Variants in ADAMTS19 observed in about 807,000 individuals in gnomAD.
The protein encoded by ADAMTS19 is ADAM metallopeptidase with thrombospondin type 1 motif 19, also known as A disintegrin and metalloproteinase with thrombospondin motifs 19.
ADAMTS19 carries 93 observed loss-of-function variants against 153.3 expected under a neutral mutation model. The ratio of observed to expected loss-of-function variants is 0.61; its 90% CI spans 0.51 to 0.72. The LOEUF is 0.72. ADAMTS19 is among the 30% of genes least tolerant of loss of function. The pLI is 0.00. For missense variants in ADAMTS19, 1,482 were observed against 1,552.1 expected, an observed-to-expected ratio of 0.95 and a Z score of 0.76; for synonymous variants, 600 against 556.6, an observed-to-expected ratio of 1.08 and a Z score of -1.10.
chr5:129,484,579 C>T (rs1327484100), intron 2 of ADAMTS19, among the ~76,000 whole-genome samples: 3 of 151,986 alleles, frequency 2.0e-5, no homozygotes, highest in Non-Finnish European at 2.9e-5. Context: ...CAGGTGGATG[C>T]GTGTAGTTTT....
At chr5:129,727,254 C>T (rs1268649985) in intron 21 of ADAMTS19, among the ~76,000 whole-genome samples, 2 of 152,100 alleles carry the variant, frequency 1.3e-5, no homozygotes, top group East Asian at 3.9e-4. Context: ...TCCCAGTATG[C>T]CTACAGTCTG....
chr5:129,509,096 A>G lies in ADAMTS19; in HGVS notation c.767A>G (p.Asn256Ser), dbSNP rs1382721664. The part of the protein sequence containing the change: ...GGGLMGFIQL[N>S]EDFIFIEPLN... Reference sequence around the variant, plus strand: ...TTCCAGATGGGATTTATACAGCTCAATGAGGACTTCATATTTATTGAGCCA... The same window carrying G: ...TTCCAGATGGGATTTATACAGCTCAGTGAGGACTTCATATTTATTGAGCCA... The change falls in exon 3 of 23, where the codon AAT (asparagine) becomes AGT (serine). Residue 256 changes from asparagine to serine, a missense_variant. By Grantham distance (46) the Asn-to-Ser change is conservative. Transcript: ENST00000274487. The G allele has an allele frequency of 3.7e-6, 6 of 1,610,158 alleles. No individual in the cohort carries two copies. Among genetic ancestry groups the G allele is most frequent in the East Asian group, 2.2e-5 (1 of 44,740 alleles).
intron 2 of ADAMTS19, among the ~76,000 whole-genome samples, chr5:129,499,085 A>G (rs1389758211): frequency 6.6e-6 from 1 of 152,084 alleles, no homozygotes; most frequent in East Asian, 1.9e-4. Flanking sequence ...CTAGACTGGT[A>G]AACAACTAAG....
intron 7 of ADAMTS19, among the ~76,000 whole-genome samples, chr5:129,572,299 C>T (rs1753938564): frequency 6.6e-6 from 1 of 151,914 alleles, no homozygotes; most frequent in African/African-American, 2.4e-5. Context: ...TCAAACAACT[C>T]AACTCTCATA....
chr5:129,508,907 GAA>G (rs1173764208), intron 2 of ADAMTS19, among the ~76,000 whole-genome samples, 168 bp from the exon 3 acceptor site: 1 of 152,052 alleles, frequency 6.6e-6, no homozygotes, highest in Non-Finnish European at 1.5e-5. Context: ...ACATAAAGAT[GAA>G]GTAATAAAAT....
chr5:129,479,172 A>G (rs1272576606), intron 2 of ADAMTS19, among the ~76,000 whole-genome samples: 1 of 152,180 alleles, frequency 6.6e-6, no homozygotes, highest in East Asian at 1.9e-4. Context: ...TGTATATGTC[A>G]TGAAGATACT....
At chr5:129,726,583 C>A (rs115357894) in intron 21 of ADAMTS19, among the ~76,000 whole-genome samples, 18,138 of 152,058 alleles carry the variant, frequency 0.12, 1,262 homozygotes, top group South Asian at 0.19. Flanking sequence ...TGAAGAAACA[C>A]CTACTTAAGG....
At chr5:129,561,163 A>G (rs1254900007) in intron 7 of ADAMTS19, among the ~76,000 whole-genome samples, 1 of 152,202 alleles carries the variant, frequency 6.6e-6, no homozygotes, top group Non-Finnish European at 1.5e-5. Context: ...AATAGTGAGA[A>G]GCCATGGCTT....
At chr5:129,518,486 T>G (rs1441887719) in intron 3 of ADAMTS19, among the ~76,000 whole-genome samples, 2 of 151,606 alleles carry the variant, frequency 1.3e-5, no homozygotes, top group East Asian at 3.9e-4. Context: ...CAAGGGGAAA[T>G]TTTTTTTTAC....
At chr5:129,535,139 T>C (rs1162643726) in intron 6 of ADAMTS19, among the ~76,000 whole-genome samples, 3 of 152,288 alleles carry the variant, frequency 2.0e-5, no homozygotes, top group East Asian at 1.9e-4. Context: ...TGTTTGCAGA[T>C]GACATGATTG....
chr5:129,722,220 A>T (rs922096439), intron 21 of ADAMTS19, among the ~76,000 whole-genome samples: 1 of 152,210 alleles, frequency 6.6e-6, no homozygotes, highest in Non-Finnish European at 1.5e-5. Context: ...TCCCACCAGC[A>T]GTGTAAAAGT....
chr5:129,572,776 T>A (rs191882776), intron 7 of ADAMTS19, among the ~76,000 whole-genome samples: 40 of 152,092 alleles, frequency 2.6e-4, no homozygotes, highest in African/African-American at 8.9e-4. Flanking sequence ...GCTGTAAGTT[T>A]ACAGGAATAG....
chr5:129,549,243 T>A (rs1458939752), intron 6 of ADAMTS19, among the ~76,000 whole-genome samples: 3 of 150,602 alleles, frequency 2.0e-5, no homozygotes, highest in Non-Finnish European at 3.0e-5. Context: ...ATAGAAATCA[T>A]AAATAATAGA....
chr5:129,552,691 GTT>G (rs1374922474), intron 7 of ADAMTS19, among the ~76,000 whole-genome samples: 2 of 151,616 alleles, frequency 1.3e-5, no homozygotes, highest in Non-Finnish European at 1.5e-5. Flanking sequence ...TGTGTCATTT[GTT>G]TTTTTATAAA....
intron 21 of ADAMTS19, among the ~76,000 whole-genome samples, chr5:129,719,743 C>G (rs1756898120): frequency 6.6e-6 from 1 of 152,134 alleles, no homozygotes; most frequent in African/African-American, 2.4e-5. Flanking sequence ...TTCATTCTAA[C>G]ACTAAAACAT....
chr5:129,681,410 C>A (rs776767046), intron 17 of ADAMTS19, among the ~76,000 whole-genome samples: 3 of 152,032 alleles, frequency 2.0e-5, no homozygotes, highest in Non-Finnish European at 4.4e-5. Context: ...ACCTTCTATT[C>A]CAAATCAGAA....
intron 2 of ADAMTS19, among the ~76,000 whole-genome samples, chr5:129,497,753 T>C (rs917744104): frequency 3.3e-5 from 5 of 152,064 alleles, no homozygotes; most frequent in African/African-American, 1.2e-4. Flanking sequence ...GAATCCAAAA[T>C]AAATGTCAGA....
chr5:129,556,845 C>A (rs187679323), intron 7 of ADAMTS19, among the ~76,000 whole-genome samples: 1 of 152,268 alleles, frequency 6.6e-6, no homozygotes, highest in Non-Finnish European at 1.5e-5. Context: ...CTAGAGCCGA[C>A]ATAAGTGAAC....
chr5:129,462,684 C>T lies in ADAMTS19; in HGVS notation c.747+927C>T, dbSNP rs1010559973. Among the ~76,000 whole-genome samples the T allele has an allele frequency of 7.9e-5, 12 of 152,198 alleles. No homozygotes were observed. The East Asian group carries it at 2.3e-3, about 29-fold the overall frequency. ...TGTTTCTAGATGTACAGGTACGTGGCATTAAGTACATTCACGTTGTTGTGC... is the reference window on the plus strand; with the variant it reads ...TGTTTCTAGATGTACAGGTACGTGGTATTAAGTACATTCACGTTGTTGTGC... On this transcript the variant is annotated intron_variant, in intron 2 of 22. Coordinates refer to ENST00000274487, the MANE Select transcript of ADAMTS19 (RefSeq NM_133638.6).
Sources: allele counts gnomAD v4.1 joint callset (sites outside exome capture counted in the v4.1 genomes callset), GRCh38; gene constraint gnomAD v4.1.1; transcripts MANE v1.5; gene names NCBI Gene and HGNC (gene_info 2026-07-23, HGNC 2026-07-21).